Variants in PAAF1 observed in about 807,000 individuals in gnomAD.
PAAF1 encodes the protein proteasomal ATPase-associated factor 1.
A neutral mutation model predicts 52.8 loss-of-function variants in PAAF1; 46 were observed. The observed-to-expected ratio is 0.87, with a 90% confidence interval of 0.69 to 1.11. The LOEUF is 1.11. Among genes scored for constraint, PAAF1 ranks in the 50% most tolerant of loss-of-function variants. The pLI is 0.00. For missense variants in PAAF1, 424 were observed against 477.4 expected (o/e 0.89, Z 1.04); for synonymous variants, 178 against 172.8 (o/e 1.03, Z -0.24).
Position 73,891,185 on chromosome 11 carries a change from G to A in PAAF1, c.266G>A (p.Arg89Lys). The A allele has an allele frequency of 6.4e-7, 1 of 1,567,454 alleles. No individual in the cohort carries two copies. The highest frequency in any genetic ancestry group is 8.8e-7 in the Non-Finnish European group (1 of 1,140,282). Reference sequence around the variant, plus strand: ...TTGGCACCATATACTACTTTTTCCAGAATTCATACAAAGAGTGTAAGTATT... The same window carrying A: ...TTGGCACCATATACTACTTTTTCCAAAATTCATACAAAGAGTGTAAGTATT... The part of the protein sequence containing the change: ...KFLAPYTTFS[R>K]IHTKSITCLD... The change falls in exon 4 of 12, where the codon AGA becomes AAA. Residue 89 changes from arginine (R) to lysine (K), a missense_variant. Transcript: ENST00000310571.
intron 6 of PAAF1, among the ~76,000 whole-genome samples, chr11:73,901,589 G>A (rs1188920479): frequency 6.6e-6 from 1 of 151,832 alleles, no homozygotes; most frequent in African/African-American, 2.4e-5. Flanking sequence ...CTTGTGTGTG[G>A]AGATCAAGTT....
intron 7 of PAAF1, among the ~76,000 whole-genome samples, chr11:73,912,594 C>G (rs971702203): frequency 2.6e-5 from 4 of 152,178 alleles, no homozygotes; most frequent in African/African-American, 9.7e-5. Flanking sequence ...ACTGCCTAGA[C>G]TATTCTCCTA....
chr11:73,894,698 C>T (rs1022556600), intron 4 of PAAF1, among the ~76,000 whole-genome samples: 1 of 152,112 alleles, frequency 6.6e-6, no homozygotes, highest in South Asian at 2.1e-4. Context: ...GTGGCACACG[C>T]CTGTAATCCC....
At chr11:73,899,408 C>CTTTTTT (rs71065053) in intron 5 of PAAF1, among the ~76,000 whole-genome samples, 164 bp downstream of exon 5, 12 of 101,200 alleles carry the variant, frequency 1.2e-4, no homozygotes, top group East Asian at 5.4e-4. Flanking sequence ...TTCTTTTTCT[C>CTTTTTT]TTTTTTTTTT....
chr11:73,893,315 C>T (rs11235940), intron 4 of PAAF1, among the ~76,000 whole-genome samples: 11,568 of 152,078 alleles, frequency 0.076, 556 homozygotes, highest in East Asian at 0.18. Flanking sequence ...TAAAACATAC[C>T]GTTAGGTTGA....
chr11:73,896,909 G>A (rs912302684), intron 4 of PAAF1, among the ~76,000 whole-genome samples: 50 of 150,654 alleles, frequency 3.3e-4, no homozygotes, highest in Admixed American at 8.5e-4. Context: ...CGGACGGGGC[G>A]GCTGGCCGGA....
At position 73,927,436 on chromosome 11, in the gene PAAF1, C is replaced by A; in HGVS notation, c.*74C>A. ...AACAATGAGCAGAAACATCATCAGT[C>A]CTTCCCAAGGACCATGGCGTTTAAT... On this transcript the variant is annotated 3_prime_UTR_variant, in exon 12 of 12. Transcript: ENST00000310571. 7.9e-7 allele frequency: 1 copy of A among 1,259,148 alleles called. No individual in the cohort carries two copies. The highest frequency in any genetic ancestry group is 1.2e-5 in the South Asian group (1 of 81,744). The allele number at this position is 1,259,148 out of a possible 1,614,324, so 78.0% of individuals were successfully genotyped here.
At position 73,896,252 on chromosome 11, in the gene PAAF1, CTCT is replaced by C. The variant is rs1430765954; in HGVS notation, c.283-2892_283-2890del. Among the ~76,000 whole-genome samples the C allele has an allele frequency of 1.0e-3, 136 of 130,932 alleles. 1 individual carries two copies. Among genetic ancestry groups the C allele is most frequent in the Middle Eastern group, 4.4e-3 (1 of 226 alleles). 85.9% of individuals were successfully genotyped at this position (130,932 alleles called of 152,430 possible). ...ATAGGTATATGTGGAAATATCTGAA[CTCT>C]TTTTTTTTTTTTTTACGATGTTTCT... On this transcript the variant is annotated intron_variant, in intron 4 of 11. Coordinates refer to ENST00000310571, the MANE Select transcript of PAAF1 (RefSeq NM_025155.3).
chr11:73,902,818 T>C (rs559815078), intron 6 of PAAF1, among the ~76,000 whole-genome samples: 1 of 152,190 alleles, frequency 6.6e-6, no homozygotes, highest in South Asian at 2.1e-4. Context: ...TGCCGCAGCC[T>C]CCCCAGTAAC....
At chr11:73,882,311 C>CTTTTTTTTTTTTTT (rs34242715) in intron 2 of PAAF1, among the ~76,000 whole-genome samples, 1 of 119,568 alleles carries the variant, frequency 8.4e-6, no homozygotes, top group African/African-American at 3.1e-5. Flanking sequence ...CGTGCCTGCA[C>CTTTTTTTTTTTTTT]TTTTTTTTTT....
In PAAF1 at chr11:73,905,230, C is replaced by CT. The variant is rs370887715; in HGVS notation, c.533-4158dup. 4.4e-3 allele frequency among the ~76,000 whole-genome samples: 642 copies of CT among 146,640 alleles called. 5 individuals carry two copies. The highest frequency in any genetic ancestry group is 0.014 in the African/African-American group (559 of 40,284). ...AAGGCATTCTTGAAATTGCTGCTTT[C>CT]TTTTTTTTTTTGAGACAGAATCTCA... On this transcript the variant is annotated intron_variant, in intron 6 of 11. Transcript: ENST00000310571.
intron 10 of PAAF1, among the ~76,000 whole-genome samples, chr11:73,919,260 G>C (rs949407782): frequency 2.6e-5 from 4 of 152,138 alleles, no homozygotes; most frequent in Non-Finnish European, 5.9e-5. Context: ...GTTATTCCCA[G>C]AATTTAGCTC....
chr11:73,902,941 G>A (rs1452768503), intron 6 of PAAF1, among the ~76,000 whole-genome samples: 3 of 152,060 alleles, frequency 2.0e-5, no homozygotes, highest in South Asian at 2.1e-4. Context: ...CCTTGTGATC[G>A]CCTGCCGTGG....
At chr11:73,904,110 C>T (rs1443067872) in intron 6 of PAAF1, among the ~76,000 whole-genome samples, 2 of 150,922 alleles carry the variant, frequency 1.3e-5, no homozygotes, top group Admixed American at 6.6e-5. Flanking sequence ...TATATATATA[C>T]ATAAATTGGT....
chr11:73,909,799 C>G (rs995415243), intron 7 of PAAF1, among the ~76,000 whole-genome samples: 1 of 152,168 alleles, frequency 6.6e-6, no homozygotes, highest in East Asian at 1.9e-4. Context: ...CACTGCGTTT[C>G]AGTAAGTACA....
chr11:73,892,325 CAAAAAA>C (rs150332375), intron 4 of PAAF1, among the ~76,000 whole-genome samples: 1 of 81,820 alleles, frequency 1.2e-5, no homozygotes, highest in South Asian at 4.0e-4. Flanking sequence ...ACTGTCTCAC[CAAAAAA>C]AAAAAAAAAA....
At chr11:73,921,771 A>G in intron 10 of PAAF1, 1 of 1,198,082 alleles carries the variant, frequency 8.3e-7, no homozygotes. Context: ...GTCTCAGCCC[A>G]GTCTCTTGCC....
At chr11:73,911,784 C>G (rs937171220) in intron 7 of PAAF1, among the ~76,000 whole-genome samples, 1 of 151,954 alleles carries the variant, frequency 6.6e-6, no homozygotes, top group African/African-American at 2.4e-5. Flanking sequence ...CGGGTGCCCA[C>G]CACCATGCCT....
intron 10 of PAAF1, among the ~76,000 whole-genome samples, chr11:73,921,266 C>T (rs929057790): frequency 1.3e-5 from 2 of 150,844 alleles, no homozygotes; most frequent in African/African-American, 2.5e-5. Flanking sequence ...TACCACCGCA[C>T]TCCAGCCTCA....
Sources: allele counts gnomAD v4.1 joint callset (sites outside exome capture counted in the v4.1 genomes callset), GRCh38; gene constraint gnomAD v4.1.1; transcripts MANE v1.5; gene names NCBI Gene and HGNC (gene_info 2026-07-23, HGNC 2026-07-21).